DENND2B: variants seen among roughly 807,000 people sequenced by gnomAD.
The protein encoded by DENND2B is DENN domain containing 2B, also known as DENN domain-containing protein 2B.
In DENND2B, 32 loss-of-function variants were observed where a neutral mutation model predicts 116.0. That is an observed-to-expected ratio of 0.28 (90% CI 0.21 to 0.37). The LOEUF (loss-of-function observed/expected upper bound fraction) is 0.37, where lower values mean the gene tolerates loss of function less well. Among genes scored for constraint, DENND2B ranks in the 10% least tolerant of loss-of-function variants. The pLI is 1.00. For missense variants in DENND2B, 1,276 were observed against 1,477.7 expected, an observed-to-expected ratio of 0.86 and a Z score of 2.24; for synonymous variants, 588 against 583.9, an observed-to-expected ratio of 1.01 and a Z score of -0.10.
At chr11:8,796,495 T>C (rs548180198) in intron 1 of DENND2B, among the ~76,000 whole-genome samples, 75 of 152,254 alleles carry the variant, frequency 4.9e-4, no homozygotes, top group Non-Finnish European at 8.4e-4. Flanking sequence ...GCCAAGACCA[T>C]GCCACTGCAC....
At chr11:8,853,042 T>A (rs753369910) in intron 3 of DENND2B, among the ~76,000 whole-genome samples, 1 of 152,156 alleles carries the variant, frequency 6.6e-6, no homozygotes, top group Non-Finnish European at 1.5e-5. Context: ...CAGGGCTCTG[T>A]CCTCATAAGC....
chr11:8,735,025 G>A (rs1205506532), intron 2 of DENND2B, among the ~76,000 whole-genome samples: 2 of 151,800 alleles, frequency 1.3e-5, no homozygotes, highest in South Asian at 2.1e-4. Flanking sequence ...AGGGCGGGGA[G>A]TAAATCAAAT....
intron 4 of DENND2B, among the ~76,000 whole-genome samples, chr11:8,819,698 T>A (rs1183556423): frequency 1.3e-5 from 2 of 152,120 alleles, no homozygotes; most frequent in Non-Finnish European, 2.9e-5. Flanking sequence ...TTCTACAAAA[T>A]ACCTGACCAG....
intron 3 of DENND2B, among the ~76,000 whole-genome samples, chr11:8,843,236 G>C (rs1294767146): frequency 6.6e-6 from 1 of 152,082 alleles, no homozygotes; most frequent in Non-Finnish European, 1.5e-5. Context: ...TCGAACTCCT[G>C]ACCTCAGGTG....
At chr11:8,810,703 G>A (rs574747433), upstream of DENND2B, 1 of 152,382 alleles carries the variant, frequency 6.6e-6, no homozygotes, top group African/African-American at 2.4e-5. Context: ...GGCCAGGCCG[G>A]TTGTCATGGA....
intron 4 of DENND2B, among the ~76,000 whole-genome samples, chr11:8,823,595 C>A (rs1301248438): frequency 6.6e-6 from 1 of 152,154 alleles, no homozygotes; most frequent in Non-Finnish European, 1.5e-5. Flanking sequence ...CTCATGAGAT[C>A]TGATAGTTTT....
chr11:8,829,135 GCATA>G (rs2062101641), intron 4 of DENND2B, among the ~76,000 whole-genome samples: 7 of 150,956 alleles, frequency 4.6e-5, no homozygotes, highest in African/African-American at 1.7e-4. Context: ...TGGTGTGTGT[GCATA>G]TGTGTGGTGT....
chr11:8,787,549 G>A (rs1211072772), intron 1 of DENND2B, among the ~76,000 whole-genome samples: 1 of 152,210 alleles, frequency 6.6e-6, no homozygotes, highest in East Asian at 1.9e-4. Context: ...CCTAAGAGGA[G>A]AACTTTTCTC....
intron 1 of DENND2B, among the ~76,000 whole-genome samples, chr11:8,768,109 G>T (rs2056209117): frequency 6.6e-6 from 1 of 152,036 alleles, no homozygotes; most frequent in Non-Finnish European, 1.5e-5. Context: ...GAGCAACCAG[G>T]CTGGGCACTT....
chr11:8,711,985 G>A, intron 9 of DENND2B: 1 of 455,968 alleles, frequency 2.2e-6, no homozygotes, highest in South Asian at 1.5e-5. Flanking sequence ...AGCAGAGCCT[G>A]AGAAATGAGA....
intron 4 of DENND2B, among the ~76,000 whole-genome samples, chr11:8,838,427 A>C (rs554576978): frequency 6.6e-6 from 1 of 152,228 alleles, no homozygotes; most frequent in Non-Finnish European, 1.5e-5. Flanking sequence ...TGACCACAAC[A>C]CCTCCGTTAT....
Position 8,697,646 on chromosome 11 carries a change from A to G in DENND2B, c.2941-10T>C. 6.3e-7 allele frequency: 1 copy of G among 1,596,210 alleles called. No homozygotes were observed. On this transcript the variant is annotated splice_polypyrimidine_tract_variant and intron_variant, in intron 16 of 19. Coordinates refer to ENST00000313726, the MANE Select transcript of DENND2B (RefSeq NM_213618.2). ...TGTCTTCGTCGTCCATCTGCAGGAG[A>G]AAGAAAGCACAGTGACAATCATAGC...
chr11:8,700,065 G>GC (rs2041258795), intron 14 of DENND2B: 1 of 139,170 alleles, frequency 7.2e-6, no homozygotes, highest in Non-Finnish European at 1.6e-5. Context: ...GAGCTGGCCT[G>GC]GGGGGGGGCA....
chr11:8,714,557 C>T lies in DENND2B; in HGVS notation c.1942+53G>A. 3.4e-6 allele frequency: 5 copies of T among 1,488,286 alleles called. No homozygotes were observed. In the South Asian group the frequency reaches 3.4e-5, roughly 10 times the overall value. The allele number at this position is 1,488,286 out of a possible 1,614,324, so 92.2% of individuals were successfully genotyped here. A position where few individuals can be genotyped will look rare whatever the true frequency, so the allele number is the denominator to read the frequency against. On this transcript the variant is annotated intron_variant, in intron 7 of 19. Transcript: ENST00000313726. Reference sequence around the variant, plus strand: ...CAGGTAAATTGATGCCTCTCCCGTTCCTAATGCCCAAGGGCCCCAAACAGC... The same window carrying T: ...CAGGTAAATTGATGCCTCTCCCGTTTCTAATGCCCAAGGGCCCCAAACAGC...
At chr11:8,903,837 T>G (rs992376712) in intron 1 of DENND2B, among the ~76,000 whole-genome samples, 1 of 141,060 alleles carries the variant, frequency 7.1e-6, no homozygotes, top group Non-Finnish European at 1.5e-5. Context: ...TGTAGTGAGC[T>G]GTGATTATGC....
chr11:8,893,979 GCT>G (rs2064067384), intron 1 of DENND2B, among the ~76,000 whole-genome samples: 3 of 152,028 alleles, frequency 2.0e-5, no homozygotes, highest in Non-Finnish European at 4.4e-5. Context: ...GAGGCATCAT[GCT>G]ACCTGACTTC....
At chr11:8,711,334 C>G in intron 9 of DENND2B, 103 bp from the exon 10 acceptor site, 1 of 912,126 alleles carries the variant, frequency 1.1e-6, no homozygotes, top group Non-Finnish European at 1.8e-6. Flanking sequence ...CACTGACTAG[C>G]GGGCATGATC....
At chr11:8,825,691 G>C (rs2061951451) in intron 4 of DENND2B, among the ~76,000 whole-genome samples, 1 of 151,760 alleles carries the variant, frequency 6.6e-6, no homozygotes, top group Non-Finnish European at 1.5e-5. Context: ...GGAACCATAG[G>C]TTAAATACGG....
chr11:8,901,516 C>T (rs1177212124), intron 1 of DENND2B, among the ~76,000 whole-genome samples: 2 of 152,148 alleles, frequency 1.3e-5, no homozygotes, highest in African/African-American at 4.8e-5. Context: ...AAGCATGAGC[C>T]AGCATGCCCG....
Sources: gnomAD v4.1 joint callset for allele counts (sites outside exome capture counted in the v4.1 genomes callset) on GRCh38, gnomAD v4.1.1 for gene constraint, MANE v1.5 for transcripts, NCBI Gene and HGNC (gene_info 2026-07-23, HGNC 2026-07-21) for gene names.